CCNJL: variants seen among roughly 807,000 people sequenced by gnomAD.
CCNJL encodes cyclin-J-like protein.
Under a neutral mutation model 33.4 loss-of-function variants are expected in CCNJL, and 33 were observed. The ratio of observed to expected loss-of-function variants is 0.99; its 90% confidence interval spans 0.75 to 1.32. The LOEUF (loss-of-function observed/expected upper bound fraction) is 1.32. Ranked by LOEUF, CCNJL falls within the 40% of genes most tolerant of loss-of-function variation. The pLI is 0.00. For synonymous variants in CCNJL, 227 were observed against 220.9 expected (o/e 1.03, Z -0.24); for missense variants, 512 against 499.7 (o/e 1.02, Z -0.23).
At chr5:160,313,779 T>C (rs936739201), upstream of CCNJL, among the ~76,000 whole-genome samples, 1 of 152,204 alleles carries the variant, frequency 6.6e-6, no homozygotes, top group African/African-American at 2.4e-5. Context: ...ATTTTAATGG[T>C]TGTGGGTAGA....
intron 3 of CCNJL, among the ~76,000 whole-genome samples, chr5:160,272,003 T>A (rs1013857261): frequency 6.6e-6 from 1 of 152,218 alleles, no homozygotes; most frequent in South Asian, 2.1e-4. Flanking sequence ...AATACACCCC[T>A]GAAAAAGACC....
chr5:160,301,220 C>T (rs1246456537), intron 2 of CCNJL, among the ~76,000 whole-genome samples: 1 of 152,132 alleles, frequency 6.6e-6, no homozygotes, highest in Non-Finnish European at 1.5e-5. Flanking sequence ...GAAATAAACT[C>T]CTGATAGACA....
chr5:160,288,022 G>A (rs1364960021), intron 2 of CCNJL, among the ~76,000 whole-genome samples: 1 of 152,188 alleles, frequency 6.6e-6, no homozygotes, highest in African/African-American at 2.4e-5. Flanking sequence ...GAGATGAACA[G>A]GTGGAGGCAT....
intron 3 of CCNJL, among the ~76,000 whole-genome samples, chr5:160,260,537 C>T (rs1330816172): frequency 6.6e-6 from 1 of 152,116 alleles, no homozygotes; most frequent in Non-Finnish European, 1.5e-5. Flanking sequence ...ATTTACATAG[C>T]AACCCCGGCA....
intron 3 of CCNJL, among the ~76,000 whole-genome samples, chr5:160,265,611 G>A (rs1761547180): frequency 6.6e-6 from 1 of 151,644 alleles, no homozygotes; most frequent in South Asian, 2.1e-4. Flanking sequence ...CTCCATCCTG[G>A]GCAACAGAGT....
upstream of CCNJL, chr5:160,312,756 C>T (rs1451972679): frequency 6.6e-6 from 1 of 152,160 alleles, no homozygotes; most frequent in East Asian, 1.9e-4. Context: ...TTCGCTGAGG[C>T]TAGTGGTAGC....
rs143142583 is a variant in CCNJL, at chr5:160,333,739, C to G, written n.206+5706G>C. Among the ~76,000 whole-genome samples the G allele has an allele frequency of 7.4e-3, 1,133 of 152,222 alleles. 15 individuals carry two copies. The highest frequency in any genetic ancestry group is 0.025 in the African/African-American group (1,054 of 41,516). ...GGTGGTGACCCCTGCTCCCCATCAC[C>G]ACACCCAAGCCACTCTCCTTCCCTT... On this transcript the variant is annotated intron_variant and non_coding_transcript_variant, in intron 1 of 7. Coordinates refer to the CCNJL transcript ENST00000377503.
At chr5:160,253,851 TG>T in intron 5 of CCNJL, 53 bp from the exon 6 acceptor site, 2 of 1,368,356 alleles carry the variant, frequency 1.5e-6, no homozygotes, top group South Asian at 2.8e-5. Context: ...ACCAGATGCC[TG>T]TGTGTGTCTC....
chr5:160,315,376 A>G (rs1239416256), upstream of CCNJL: 2 of 409,708 alleles, frequency 4.9e-6, no homozygotes, highest in Non-Finnish European at 9.8e-6. Context: ...GTGTGGTGGT[A>G]TACACCTGTA....
upstream of CCNJL, among the ~76,000 whole-genome samples, chr5:160,313,878 G>C (rs572085007): frequency 4.6e-5 from 7 of 152,326 alleles, no homozygotes; most frequent in Non-Finnish European, 7.4e-5. Context: ...TTTAAAAATG[G>C]GGGGATGGCG....
intron 3 of CCNJL, 73 bp downstream of exon 3, chr5:160,280,451 AT>A: frequency 8.3e-7 from 1 of 1,198,002 alleles, no homozygotes; most frequent in Non-Finnish European, 1.2e-6. Context: ...ATGTAAAGTG[AT>A]TTGGAAGCAG....
Position 160,252,911 on chromosome 5 carries a change from G to A in CCNJL, c.*467C>T, listed in dbSNP as rs531485101. 6.5e-5 allele frequency: 10 copies of A among 154,652 alleles called. No homozygotes were observed. Among genetic ancestry groups the A allele is most frequent in the African/African-American group, 2.4e-4 (10 of 41,654 alleles). The allele number at this position is 154,652 out of a possible 1,614,324, so 9.6% of individuals were successfully genotyped here. A position where few individuals can be genotyped will look rare whatever the true frequency, so the allele number is the denominator to read the frequency against. On this transcript the variant is annotated 3_prime_UTR_variant, in exon 6 of 6. Transcript: ENST00000257536. ...CTCAGGCCCCTCTGCATAGAGCCAG[G>A]GAAAGAAAAGCACCCAATATGGGAT...
At chr5:160,308,453 C>A (rs1763161557) in intron 2 of CCNJL, among the ~76,000 whole-genome samples, 1 of 152,176 alleles carries the variant, frequency 6.6e-6, no homozygotes, top group Admixed American at 6.6e-5. Flanking sequence ...AGAAAGGCAG[C>A]AAACAAACGA....
chr5:160,308,369 A>G (rs1008147108), intron 2 of CCNJL, among the ~76,000 whole-genome samples: 1 of 152,224 alleles, frequency 6.6e-6, no homozygotes, highest in Non-Finnish European at 1.5e-5. Flanking sequence ...AGCTGTGTTC[A>G]TGGCACTGAG....
intron 3 of CCNJL, among the ~76,000 whole-genome samples, chr5:160,274,140 G>C (rs1450148263): frequency 2.0e-5 from 3 of 151,988 alleles, no homozygotes; most frequent in Non-Finnish European, 4.4e-5. Context: ...CTTTACAAGT[G>C]AGTATAATAA....
intron 3 of CCNJL, among the ~76,000 whole-genome samples, chr5:160,274,651 A>G (rs1289401577): frequency 6.6e-6 from 1 of 152,224 alleles, no homozygotes; most frequent in African/African-American, 2.4e-5. Flanking sequence ...GGAGGAGGAC[A>G]GGGGCCAGCA....
chr5:160,310,873 T>A (rs77217485), intron 2 of CCNJL, among the ~76,000 whole-genome samples: 2 of 152,078 alleles, frequency 1.3e-5, no homozygotes, highest in African/African-American at 4.8e-5. Flanking sequence ...GAAGGAAAGA[T>A]CCTTCTCTAG....
At chr5:160,269,311 C>A (rs1349913093) in intron 3 of CCNJL, 1 of 426,374 alleles carries the variant, frequency 2.3e-6, no homozygotes, top group Admixed American at 2.6e-5. Flanking sequence ...GCAGGGCCTG[C>A]GGGGTGGGGG....
In CCNJL at chr5:160,273,642, C is replaced by CTTTTTT. The variant is rs56869675; in HGVS notation, c.280+6877_280+6882dup. Among the ~76,000 whole-genome samples the CTTTTTT allele has an allele frequency of 1.5e-4, 15 of 97,736 alleles. 1 individual carries two copies. The highest frequency in any genetic ancestry group is 4.2e-4 in the African/African-American group (10 of 23,922). The allele number at this position is 97,736 out of a possible 152,430, so 64.1% of individuals were successfully genotyped here. On this transcript the variant is annotated intron_variant, in intron 3 of 5. Coordinates refer to ENST00000257536, the MANE Select transcript of CCNJL (RefSeq NM_001308173.3). ...GCAAAGCACCACGAAAGTGCCGCCA[C>CTTTTTT]TTTTTTTTTTTTTTTTTTTTTTGAG... is the stretch of plus-strand genomic sequence containing the variant.
Sources: allele counts gnomAD v4.1 joint callset (sites outside exome capture counted in the v4.1 genomes callset), GRCh38; gene constraint gnomAD v4.1.1; transcripts MANE v1.5; gene names NCBI Gene and HGNC (gene_info 2026-07-23, HGNC 2026-07-21).